CCDC172: variants seen among roughly 807,000 people sequenced by gnomAD.
CCDC172 encodes the protein coiled-coil domain-containing protein 172.
Under a neutral mutation model 38.0 loss-of-function variants are expected in CCDC172, and 30 were observed. The observed-to-expected ratio is 0.79, with a 90% CI of 0.59 to 1.07. CCDC172 has a LOEUF of 1.07. Among genes scored for constraint, CCDC172 ranks in the 50% least tolerant of loss-of-function variants. CCDC172 has a pLI of 0.00. For synonymous variants in CCDC172, 78 were observed against 88.3 expected, an observed-to-expected ratio of 0.88 and a Z score of 0.66; for missense variants, 297 against 290.1, an observed-to-expected ratio of 1.02 and a Z score of -0.17.
chr10:116,352,457 G>T (rs1041173617), intron 5 of CCDC172, among the ~76,000 whole-genome samples: 12 of 152,094 alleles, frequency 7.9e-5, no homozygotes, highest in East Asian at 7.7e-4. Context: ...AATAATTAAA[G>T]CTTTTAGAAT....
At chr10:116,358,378 A>G (rs1299842954) in intron 7 of CCDC172, among the ~76,000 whole-genome samples, 1 of 152,026 alleles carries the variant, frequency 6.6e-6, no homozygotes, top group East Asian at 1.9e-4. Flanking sequence ...TTCTGTATGG[A>G]TTATTTAGAT....
At chr10:116,361,971 G>A (rs184002144) in intron 7 of CCDC172, among the ~76,000 whole-genome samples, 195 of 152,252 alleles carry the variant, frequency 1.3e-3, no homozygotes, top group African/African-American at 4.1e-3. Context: ...GGCAGATCAC[G>A]AGGTCAGGAG....
chr10:116,329,810 A>G (rs1007051302), intron 3 of CCDC172, among the ~76,000 whole-genome samples: 1 of 152,178 alleles, frequency 6.6e-6, no homozygotes, highest in Admixed American at 6.5e-5. Flanking sequence ...CTTCACTGCC[A>G]TGCACTCTCA....
rs1199701762 is a variant in CCDC172, at chr10:116,325,877, C to T, written c.165+489C>T. Among the ~76,000 whole-genome samples the T allele has an allele frequency of 3.9e-5, 6 of 152,112 alleles. No individual in the cohort carries two copies. The East Asian group carries it at 1.2e-3, about 29-fold the overall frequency. ...ATTAGCGTTTCTCTCTTTCCTGCAG[C>T]GTTTGTAATGTTCTGTTATTTTAAA... is the stretch of plus-strand genomic sequence containing the variant. On this transcript the variant is annotated intron_variant, in intron 3 of 8. Coordinates refer to ENST00000333254, the MANE Select transcript of CCDC172 (RefSeq NM_198515.3).
chr10:116,350,575 G>A (rs1229278292), intron 5 of CCDC172, among the ~76,000 whole-genome samples: 4 of 151,976 alleles, frequency 2.6e-5, no homozygotes, highest in Non-Finnish European at 5.9e-5. Context: ...ATCACTTTTG[G>A]CTTCAAAATA....
intron 3 of CCDC172, among the ~76,000 whole-genome samples, chr10:116,330,811 G>A (rs1416309692): frequency 1.3e-5 from 2 of 152,090 alleles, no homozygotes. Context: ...ACAGTTCACT[G>A]CAACCTCAAA....
intron 3 of CCDC172, 22 bp downstream of exon 3, chr10:116,325,410 T>A: frequency 6.3e-7 from 1 of 1,578,304 alleles, no homozygotes; most frequent in Non-Finnish European, 8.7e-7. Flanking sequence ...TAAAGCATAC[T>A]AATTATCACT....
chr10:116,367,469 C>T (rs184635356), intron 7 of CCDC172, among the ~76,000 whole-genome samples: 6 of 152,068 alleles, frequency 3.9e-5, no homozygotes, highest in African/African-American at 1.4e-4. Flanking sequence ...GCGGGCGGAT[C>T]ACAAGGTCAG....
At chr10:116,343,510 C>A (rs1015598697) in intron 5 of CCDC172, among the ~76,000 whole-genome samples, 8 of 106,952 alleles carry the variant, frequency 7.5e-5, no homozygotes, top group Non-Finnish European at 1.3e-4. Context: ...CTTCTCTGAT[C>A]ATTCGTTTTT....
chr10:116,330,121 G>GA (rs1193756493), intron 3 of CCDC172, among the ~76,000 whole-genome samples: 2 of 152,120 alleles, frequency 1.3e-5, no homozygotes, highest in Non-Finnish European at 2.9e-5. Flanking sequence ...AAAATTTTCT[G>GA]AAAAATAAAT....
chr10:116,340,066 C>G (rs1348554741), intron 3 of CCDC172, among the ~76,000 whole-genome samples: 1 of 151,854 alleles, frequency 6.6e-6, no homozygotes, highest in Non-Finnish European at 1.5e-5. Flanking sequence ...TTAAAGCTTC[C>G]TAACTTCATT....
In CCDC172 at chr10:116,363,722, A is replaced by C. The variant is rs187561984; in HGVS notation, c.653+5784A>C. Among the ~76,000 whole-genome samples the C allele has an allele frequency of 2.2e-3, 338 of 152,194 alleles. 1 individual carries two copies. The highest frequency in any genetic ancestry group is 7.5e-3 in the African/African-American group (310 of 41,534). On this transcript the variant is annotated intron_variant, in intron 7 of 8. Coordinates refer to ENST00000333254, the MANE Select transcript of CCDC172 (RefSeq NM_198515.3). ...GAGGCCAAAGCAGGTGGATCACCTG[A>C]GGTAAGGAGTTCGAGACTGGCCTGG...
intron 5 of CCDC172, among the ~76,000 whole-genome samples, chr10:116,352,854 A>C (rs1844947329): frequency 6.6e-6 from 1 of 152,150 alleles, no homozygotes; most frequent in South Asian, 2.1e-4. Context: ...AGATAACATG[A>C]TCTCGTATAT....
In CCDC172 at chr10:116,379,318, T is replaced by C; in HGVS notation, c.742-5T>C. 1.3e-6 allele frequency: 2 copies of C among 1,565,378 alleles called. No individual in the cohort carries two copies. Among genetic ancestry groups the C allele is most frequent in the Non-Finnish European group, 1.7e-6 (2 of 1,154,366 alleles). On this transcript the variant is annotated splice_region_variant and splice_polypyrimidine_tract_variant and intron_variant, in intron 8 of 8. Transcript: ENST00000333254. ...TCATGAGTAATTACTATGTTTTCTT[T>C]TCAGACATTGGCACAGAAAGATCTT...
chr10:116,369,329 T>C (rs939477637), intron 7 of CCDC172, among the ~76,000 whole-genome samples: 5 of 152,020 alleles, frequency 3.3e-5, no homozygotes, highest in Admixed American at 6.5e-5. Context: ...CCATTCTCTA[T>C]CCTACTGCAT....
At chr10:116,357,765 C>A in intron 6 of CCDC172, 71 bp from the exon 7 acceptor site, 1 of 847,838 alleles carries the variant, frequency 1.2e-6, no homozygotes, top group Non-Finnish European at 1.9e-6. Context: ...GAGTACTGTT[C>A]TTATGAGTGA....
chr10:116,361,691 A>C (rs928812549), intron 7 of CCDC172, among the ~76,000 whole-genome samples: 1 of 152,194 alleles, frequency 6.6e-6, no homozygotes, highest in African/African-American at 2.4e-5. Context: ...GAGAGACTCT[A>C]AATGCATTAA....
At chr10:116,353,021 G>A (rs1039864617) in intron 5 of CCDC172, among the ~76,000 whole-genome samples, 2 of 152,008 alleles carry the variant, frequency 1.3e-5, no homozygotes, top group African/African-American at 4.8e-5. Flanking sequence ...GTGAAACCCC[G>A]TCTCTACTCA....
At chr10:116,376,170 A>G (rs1845241599) in intron 7 of CCDC172, among the ~76,000 whole-genome samples, 1 of 152,342 alleles carries the variant, frequency 6.6e-6, no homozygotes, top group South Asian at 2.1e-4. Flanking sequence ...AATGTGGCAC[A>G]TATACACCAT....
Sources: gnomAD v4.1 joint callset for allele counts (sites outside exome capture counted in the v4.1 genomes callset) on GRCh38, gnomAD v4.1.1 for gene constraint, MANE v1.5 for transcripts, NCBI Gene and HGNC (gene_info 2026-07-23, HGNC 2026-07-21) for gene names.